The following MICU2 variants were observed in gnomAD, a reference collection of about 807,000 sequenced individuals.
The protein encoded by MICU2 is calcium uptake protein 2, mitochondrial.
Under a neutral mutation model 60.4 loss-of-function variants are expected in MICU2, and 64 were observed. The observed-to-expected ratio is 1.06, with a 90% confidence interval of 0.87 to 1.31. MICU2 has a LOEUF of 1.31. MICU2 is among the 50% of genes most tolerant of loss of function. MICU2 has a pLI of 0.00. For missense variants in MICU2, 569 were observed against 531.0 expected, an observed-to-expected ratio of 1.07 and a Z score of -0.70; for synonymous variants, 201 against 175.0, an observed-to-expected ratio of 1.15 and a Z score of -1.17.
At chr13:21,523,503 T>C (rs1273034167) in intron 4 of MICU2, among the ~76,000 whole-genome samples, 2 of 152,222 alleles carry the variant, frequency 1.3e-5, no homozygotes, top group East Asian at 1.9e-4. Context: ...ATTTAAAACG[T>C]AGTAATTAGT....
intron 6 of MICU2, among the ~76,000 whole-genome samples, chr13:21,517,531 T>C (rs1171119773): frequency 6.6e-6 from 1 of 152,088 alleles, no homozygotes; most frequent in Non-Finnish European, 1.5e-5. Flanking sequence ...ATCCCAGCAC[T>C]TTGGGAGGCT....
intron 10 of MICU2, 60 bp from the exon 11 acceptor site, chr13:21,495,378 C>G: frequency 7.3e-7 from 1 of 1,360,784 alleles, no homozygotes; most frequent in South Asian, 2.1e-5. Flanking sequence ...TGAAATTAAT[C>G]TAAATTTTCA....
intron 7 of MICU2, among the ~76,000 whole-genome samples, chr13:21,513,268 T>C (rs551376091): frequency 2.0e-5 from 3 of 152,292 alleles, no homozygotes; most frequent in Non-Finnish European, 4.4e-5. Flanking sequence ...GCTAGAACTT[T>C]CAGCACTGTA....
At chr13:21,527,874 C>T (rs1172758611) in intron 4 of MICU2, among the ~76,000 whole-genome samples, 5 of 152,118 alleles carry the variant, frequency 3.3e-5, no homozygotes, top group East Asian at 1.9e-4. Context: ...TGTGAAAACC[C>T]AGTCATCACA....
At chr13:21,592,166 A>C (rs1888598223) in intron 1 of MICU2, among the ~76,000 whole-genome samples, 2 of 152,204 alleles carry the variant, frequency 1.3e-5, no homozygotes, top group South Asian at 4.1e-4. Flanking sequence ...ACACAATGAA[A>C]AATGATAAAG....
chr13:21,543,341 G>C (rs1057105240), intron 2 of MICU2, among the ~76,000 whole-genome samples: 5 of 151,996 alleles, frequency 3.3e-5, no homozygotes, highest in African/African-American at 1.2e-4. Flanking sequence ...GCAAGAGAAA[G>C]AAAAATAAAG....
intron 10 of MICU2, 151 bp from the exon 11 acceptor site, chr13:21,495,469 T>C (rs531529782): frequency 4.2e-6 from 3 of 718,930 alleles, no homozygotes; most frequent in African/African-American, 1.8e-5. Flanking sequence ...GAAGAAAATA[T>C]TCAAACCATA....
intron 2 of MICU2, among the ~76,000 whole-genome samples, chr13:21,557,034 A>T (rs931677914): frequency 1.3e-5 from 2 of 152,200 alleles, no homozygotes; most frequent in African/African-American, 4.8e-5. Context: ...CAGTGACAAA[A>T]TGACAAACCT....
intron 6 of MICU2, among the ~76,000 whole-genome samples, chr13:21,520,767 G>A (rs1039967868): frequency 2.4e-4 from 37 of 151,630 alleles, no homozygotes; most frequent in Admixed American, 9.2e-4. Flanking sequence ...CACGTTTTCA[G>A]CTCTTCAAAT....
chr13:21,496,850 T>C (rs1259021994), intron 9 of MICU2, among the ~76,000 whole-genome samples: 7 of 151,438 alleles, frequency 4.6e-5, no homozygotes, highest in Non-Finnish European at 7.4e-5. Context: ...GGTCGGAAGA[T>C]GGAGACCATC....
intron 4 of MICU2, chr13:21,530,753 C>G: frequency 1.8e-6 from 1 of 567,864 alleles, no homozygotes; most frequent in South Asian, 2.0e-5. Flanking sequence ...GCAGCCCCCA[C>G]CCCAGCCATA....
intron 2 of MICU2, among the ~76,000 whole-genome samples, chr13:21,551,817 T>C (rs184465334): frequency 1.3e-5 from 2 of 152,250 alleles, no homozygotes; most frequent in East Asian, 3.9e-4. Flanking sequence ...TGTGCCACAT[T>C]TTCTTAATCC....
intron 2 of MICU2, among the ~76,000 whole-genome samples, chr13:21,545,855 T>TA (rs912829714): frequency 6.6e-6 from 1 of 152,086 alleles, no homozygotes; most frequent in African/African-American, 2.4e-5. Flanking sequence ...CAATTAGCAA[T>TA]AATACATCAC....
intron 1 of MICU2, among the ~76,000 whole-genome samples, chr13:21,580,698 T>C (rs145963358): frequency 1.9e-3 from 287 of 152,252 alleles, no homozygotes; most frequent in African/African-American, 6.7e-3. Context: ...GATAGTCTCT[T>C]AACTTATAAC....
rs1448196045 is a variant in MICU2, at chr13:21,505,279, A to G, written c.762-2182T>C. Among the ~76,000 whole-genome samples, 9 of 152,322 alleles carry G rather than the reference A, an allele frequency of 5.9e-5. No homozygotes were observed. In the South Asian group the frequency reaches 1.7e-3, roughly 28 times the overall value. ...GAAATGCAGAAGAAGAAAAATCACC[A>G]AAGAGAGTAGGAGAGAAGAGTAAAA... On this transcript the variant is annotated intron_variant, in intron 8 of 11. Coordinates refer to ENST00000382374, the MANE Select transcript of MICU2 (RefSeq NM_152726.3).
At chr13:21,504,150 T>C (rs1886241662) in intron 8 of MICU2, among the ~76,000 whole-genome samples, 1 of 152,176 alleles carries the variant, frequency 6.6e-6, no homozygotes, top group Admixed American at 6.5e-5. Flanking sequence ...AGCAGAACTT[T>C]ATCTAAAATT....
intron 1 of MICU2, among the ~76,000 whole-genome samples, chr13:21,580,275 A>C (rs1888319165): frequency 6.6e-6 from 1 of 152,206 alleles, no homozygotes; most frequent in Admixed American, 6.5e-5. Flanking sequence ...GGTTAAAGAA[A>C]AATCTTTACC....
chr13:21,545,111 A>C (rs1887383749), intron 2 of MICU2, among the ~76,000 whole-genome samples: 1 of 152,176 alleles, frequency 6.6e-6, no homozygotes, highest in Admixed American at 6.5e-5. Flanking sequence ...CAATCAATAC[A>C]TCAAAGAGGC....
intron 6 of MICU2, 51 bp downstream of exon 6, chr13:21,521,194 C>G (rs544690961): frequency 1.5e-6 from 2 of 1,344,592 alleles, no homozygotes; most frequent in Non-Finnish European, 2.1e-6. Context: ...AATTATCACA[C>G]AAACATCCAG....
Sources: gnomAD v4.1 joint callset for allele counts (sites outside exome capture counted in the v4.1 genomes callset) on GRCh38, gnomAD v4.1.1 for gene constraint, MANE v1.5 for transcripts, NCBI Gene and HGNC (gene_info 2026-07-23, HGNC 2026-07-21) for gene names.